GRIA4: variants seen among roughly 807,000 people sequenced by gnomAD.
GRIA4 encodes glutamate receptor 4.
In GRIA4, 34 loss-of-function variants were observed where a neutral mutation model predicts 104.0. That is an observed-to-expected ratio of 0.33 (90% CI 0.25 to 0.44). GRIA4 has a LOEUF of 0.44. Ranked by LOEUF, GRIA4 falls within the 20% of genes least tolerant of loss-of-function variation. The pLI, the probability that GRIA4 is intolerant of heterozygous loss-of-function variation, is 1.00. For synonymous variants in GRIA4, 386 were observed against 381.9 expected (o/e 1.01, Z -0.13); for missense variants, 750 against 1,096.5 (o/e 0.68, Z 4.46).
chr11:105,937,705 G>T (rs1159170541), intron 14 of GRIA4, among the ~76,000 whole-genome samples: 1 of 151,940 alleles, frequency 6.6e-6, no homozygotes, highest in African/African-American at 2.4e-5. Flanking sequence ...TCCAAACTTT[G>T]CCTCCTCTAA....
chr11:105,930,336 G>A (rs1947836948), intron 13 of GRIA4, among the ~76,000 whole-genome samples: 2 of 151,902 alleles, frequency 1.3e-5, no homozygotes, highest in South Asian at 4.1e-4. Context: ...TGACAAACCA[G>A]GCTAATTTCT....
At chr11:105,973,548 T>A (rs1056945080) in intron 15 of GRIA4, among the ~76,000 whole-genome samples, 1 of 152,016 alleles carries the variant, frequency 6.6e-6, no homozygotes, top group African/African-American at 2.4e-5. Context: ...TATTTTTAAT[T>A]AATAAAAATA....
chr11:105,694,364 G>A (rs1374161148), intron 3 of GRIA4, among the ~76,000 whole-genome samples: 1 of 151,996 alleles, frequency 6.6e-6, no homozygotes, highest in Non-Finnish European at 1.5e-5. Context: ...GGCCAGGATG[G>A]TCTTGATCTC....
At chr11:105,628,615 T>C (rs1950951196) in intron 3 of GRIA4, among the ~76,000 whole-genome samples, 1 of 152,178 alleles carries the variant, frequency 6.6e-6, no homozygotes, top group African/African-American at 2.4e-5. Context: ...AAGTTTCCTG[T>C]GTCTCCCCAG....
chr11:105,741,755 T>G (rs1939322796), intron 3 of GRIA4, among the ~76,000 whole-genome samples: 1 of 152,162 alleles, frequency 6.6e-6, no homozygotes, highest in South Asian at 2.1e-4. Flanking sequence ...TTTGTGTGTT[T>G]AATTTACTTT....
rs1950503635 is a variant in GRIA4 at position 105,612,380 on chromosome 11, G to T, written c.193G>T (p.Val65Leu). ...TGCGTCGGAAGCTCCTTTTAATTTG[G>T]TACCTCATGTGGACAACATTGAGAC... ...PNASEAPFNL[V>L]PHVDNIETAN... Residue 65 changes from valine to leucine, a missense_variant, in exon 3 of 17, where the codon GTA becomes TTA. Val to Leu is a conservative substitution (Grantham distance 32). This residue lies in a region of GRIA4 where 410 missense variants were observed against 502.7 expected (regional missense o/e 0.82). Coordinates refer to ENST00000282499, the MANE Select transcript of GRIA4 (RefSeq NM_000829.4). 1 of 1,613,944 alleles carries T rather than the reference G, an allele frequency of 6.2e-7. No homozygotes were observed.
intron 3 of GRIA4, among the ~76,000 whole-genome samples, chr11:105,667,475 T>C (rs1295782517): frequency 6.6e-6 from 1 of 152,042 alleles, no homozygotes; most frequent in East Asian, 1.9e-4. Context: ...AAGTTATTCT[T>C]ATAAAATTTC....
intron 14 of GRIA4, among the ~76,000 whole-genome samples, chr11:105,961,445 T>C (rs1313132928): frequency 2.0e-5 from 3 of 152,324 alleles, no homozygotes; most frequent in African/African-American, 7.2e-5. Context: ...TGAAAAAACC[T>C]CTCAGCCTCA....
rs529397926 is a variant in GRIA4 at position 105,913,320 on chromosome 11, T to C, written c.1269+2775T>C. On this transcript the variant is annotated intron_variant, in intron 10 of 16. Coordinates refer to ENST00000282499, the MANE Select transcript of GRIA4 (RefSeq NM_000829.4). ...TATGGCTGTTGAAAGTTATTTTTTC[T>C]TGTAACAGTGTTGTATATCTACAAT... 1.3e-5 allele frequency: 8 copies of C among 611,510 alleles called. No homozygotes were observed. In the East Asian group the frequency reaches 5.6e-4, roughly 43 times the overall value. 37.9% of individuals were successfully genotyped at this position (611,510 alleles called of 1,614,324 possible). A position where few individuals can be genotyped will look rare whatever the true frequency, so the allele number is the denominator to read the frequency against.
At position 105,874,092 on chromosome 11, in the gene GRIA4, T is replaced by C. The variant is rs141405804; in HGVS notation, c.672+11884T>C. Among the ~76,000 whole-genome samples the C allele has an allele frequency of 3.1e-4, 47 of 152,320 alleles. No homozygotes were observed. In the East Asian group the frequency reaches 8.9e-3, roughly 29 times the overall value. ...TTAATCCATCTTGAGTTAATTTTTG[T>C]ATAAGGTGTACAAAAGGGGTCCAGT... is the stretch of plus-strand genomic sequence containing the variant. On this transcript the variant is annotated intron_variant, in intron 5 of 16. Transcript: ENST00000282499.
At chr11:105,941,157 T>C (rs1361550724) in intron 14 of GRIA4, among the ~76,000 whole-genome samples, 1 of 152,216 alleles carries the variant, frequency 6.6e-6, no homozygotes, top group Non-Finnish European at 1.5e-5. Context: ...TGAGAAGATT[T>C]TGTAAATAAT....
At chr11:105,924,888 G>A in intron 12 of GRIA4, 119 bp downstream of exon 12, 1 of 741,220 alleles carries the variant, frequency 1.3e-6, no homozygotes, top group South Asian at 2.5e-5. Flanking sequence ...CACAGAAAAA[G>A]ACTTGCAATT....
At chr11:105,757,153 T>C (rs565505003) in intron 4 of GRIA4, among the ~76,000 whole-genome samples, 2 of 152,234 alleles carry the variant, frequency 1.3e-5, no homozygotes, top group East Asian at 3.9e-4. Context: ...TAAACCAGAT[T>C]CCACAGGCTG....
intron 3 of GRIA4, among the ~76,000 whole-genome samples, chr11:105,620,138 T>A: frequency 6.6e-6 from 1 of 151,920 alleles, no homozygotes; most frequent in East Asian, 1.9e-4. Flanking sequence ...CATCAGTGAC[T>A]TACAAATTAG....
chr11:105,792,822 G>A (rs563285767), intron 4 of GRIA4, among the ~76,000 whole-genome samples: 1 of 152,224 alleles, frequency 6.6e-6, no homozygotes, highest in East Asian at 1.9e-4. Context: ...ATAGTTTAGA[G>A]CAGGAGACAG....
chr11:105,960,793 A>T (rs1477818198), intron 14 of GRIA4, among the ~76,000 whole-genome samples: 2 of 152,214 alleles, frequency 1.3e-5, no homozygotes, highest in Non-Finnish European at 2.9e-5. Flanking sequence ...TGTGGGTTGC[A>T]CAGTTCCATG....
chr11:105,851,264 C>G (rs1944797752), intron 4 of GRIA4, among the ~76,000 whole-genome samples: 1 of 151,964 alleles, frequency 6.6e-6, no homozygotes, highest in South Asian at 2.1e-4. Context: ...TGAGCTTATT[C>G]TTTCCTTTGT....
chr11:105,831,325 C>T (rs577018556), intron 4 of GRIA4, among the ~76,000 whole-genome samples: 1 of 151,960 alleles, frequency 6.6e-6, no homozygotes, highest in Non-Finnish European at 1.5e-5. Flanking sequence ...AAGCACTTAG[C>T]AAATCTTCAA....
At chr11:105,949,984 C>T (rs141830429) in intron 14 of GRIA4, among the ~76,000 whole-genome samples, 123 of 152,190 alleles carry the variant, frequency 8.1e-4, no homozygotes, top group East Asian at 1.7e-3. Flanking sequence ...TTCTACCATA[C>T]GGGATTGTTG....
Sources: allele counts gnomAD v4.1 joint callset (sites outside exome capture counted in the v4.1 genomes callset), GRCh38; gene constraint gnomAD v4.1.1; regional missense constraint gnomAD v4.1.1; transcripts MANE v1.5; gene names NCBI Gene and HGNC (gene_info 2026-07-23, HGNC 2026-07-21).